MAEL: variants seen among roughly 807,000 people sequenced by gnomAD.
The protein encoded by MAEL is protein maelstrom homolog.
MAEL carries 46 observed loss-of-function variants against 62.0 expected under a neutral mutation model. The observed-to-expected ratio is 0.74, with a 90% confidence interval of 0.59 to 0.95. The LOEUF is 0.95. MAEL is among the 40% of genes least tolerant of loss of function. The pLI, the probability that MAEL is intolerant of heterozygous loss-of-function variation, is 0.00. For missense variants in MAEL, 497 were observed against 526.8 expected, an observed-to-expected ratio of 0.94 and a Z score of 0.55; for synonymous variants, 172 against 175.5, an observed-to-expected ratio of 0.98 and a Z score of 0.16.
chr1:166,987,826 C>T (rs754090951), upstream of MAEL, among the ~76,000 whole-genome samples: 2 of 152,114 alleles, frequency 1.3e-5, no homozygotes, highest in African/African-American at 4.8e-5. Flanking sequence ...GCTCTACCAA[C>T]CTGTCAAGGA....
At chr1:166,999,802 G>T (rs1240945680) in intron 5 of MAEL, among the ~76,000 whole-genome samples, 1 of 152,084 alleles carries the variant, frequency 6.6e-6, no homozygotes, top group African/African-American at 2.4e-5. Flanking sequence ...TTGAAGCCAG[G>T]GCTCATTTAC....
chr1:167,011,041 C>G (rs1436929648), intron 8 of MAEL, among the ~76,000 whole-genome samples: 1 of 152,028 alleles, frequency 6.6e-6, no homozygotes, highest in African/African-American at 2.4e-5. Flanking sequence ...GCCCTTCCCC[C>G]TTCCTCTTTC....
chr1:166,996,164 A>G (rs545399042), intron 5 of MAEL, among the ~76,000 whole-genome samples: 53 of 152,370 alleles, frequency 3.5e-4, no homozygotes, highest in African/African-American at 1.1e-3. Flanking sequence ...AAAAATGCCT[A>G]TGCTAATGTA....
chr1:166,984,130 G>A (rs1461649294), upstream of MAEL, among the ~76,000 whole-genome samples: 2 of 152,044 alleles, frequency 1.3e-5, no homozygotes, highest in East Asian at 3.9e-4. Flanking sequence ...CCCTATCTTA[G>A]TAAAAGCACT....
chr1:166,994,441 C>T (rs72689326), intron 5 of MAEL, among the ~76,000 whole-genome samples: 1,814 of 152,082 alleles, frequency 0.012, 22 homozygotes, highest in Admixed American at 0.018. Flanking sequence ...AAAAATAAAA[C>T]GAGTTCTGAA....
upstream of MAEL, chr1:166,989,246 T>A (rs1664040654): frequency 7.1e-7 from 1 of 1,414,280 alleles, no homozygotes. Context: ...TGGCCGAGAG[T>A]TGCGGGCTGC....
upstream of MAEL, among the ~76,000 whole-genome samples, chr1:166,987,726 G>C (rs752884902): frequency 1.2e-4 from 18 of 152,084 alleles, no homozygotes; most frequent in Non-Finnish European, 2.2e-4. Context: ...AAACTGAGAA[G>C]ACTAATAACC....
At position 167,016,302 on chromosome 1, in the gene MAEL, G is replaced by A; in HGVS notation, c.908+18G>A. 1 of 1,609,380 alleles carries A rather than the reference G, an allele frequency of 6.2e-7. No individual in the cohort carries two copies. The highest frequency in any genetic ancestry group is 8.5e-7 in the Non-Finnish European group (1 of 1,176,008). ...AAGATTGCGTAAGTTGGGGAAAGGA[G>A]TTTCTTCATAATACTGTATTCTGAT... On this transcript the variant is annotated intron_variant, in intron 9 of 11. Coordinates refer to ENST00000367872, the MANE Select transcript of MAEL (RefSeq NM_032858.3).
At chr1:166,997,430 G>A (rs1370552418) in intron 5 of MAEL, among the ~76,000 whole-genome samples, 1 of 152,132 alleles carries the variant, frequency 6.6e-6, no homozygotes, top group Non-Finnish European at 1.5e-5. Context: ...TATCTTATCT[G>A]CTGATGGATT....
At chr1:166,975,867 G>GC (rs988425449) in intron 1 of MAEL, among the ~76,000 whole-genome samples, 2 of 152,102 alleles carry the variant, frequency 1.3e-5, no homozygotes, top group African/African-American at 4.8e-5. Context: ...TCTGCGGGCA[G>GC]CCACAGCCAA....
intron 5 of MAEL, among the ~76,000 whole-genome samples, chr1:167,001,872 A>C (rs762225319): frequency 2.2e-4 from 34 of 152,164 alleles, no homozygotes; most frequent in Non-Finnish European, 4.3e-4. Context: ...GCCTCTGCCT[A>C]CCAGGCTCAA....
At chr1:166,992,092 A>C (rs1664199425) in intron 3 of MAEL, among the ~76,000 whole-genome samples, 1 of 152,194 alleles carries the variant, frequency 6.6e-6, no homozygotes, top group Non-Finnish European at 1.5e-5. Context: ...CATAGTTAAT[A>C]AGGGTTGTTG....
chr1:167,020,909 C>T (rs530154038), intron 10 of MAEL, among the ~76,000 whole-genome samples, 176 bp from the exon 11 acceptor site: 1 of 152,136 alleles, frequency 6.6e-6, no homozygotes. Context: ...TTCGTAATCT[C>T]CCTCCAAAGT....
intron 10 of MAEL, among the ~76,000 whole-genome samples, chr1:167,019,140 G>A (rs946993503): frequency 6.6e-6 from 1 of 152,046 alleles, no homozygotes; most frequent in Non-Finnish European, 1.5e-5. Context: ...CAAAGCCTGG[G>A]GACATTTTTG....
intron 1 of MAEL, among the ~76,000 whole-genome samples, chr1:166,984,016 A>T (rs1663841737): frequency 1.3e-5 from 2 of 151,756 alleles, no homozygotes; most frequent in Admixed American, 6.6e-5. Context: ...AAAAAAAAAA[A>T]AAATGGACCT....
chr1:166,987,014 T>TA (rs1663940988), upstream of MAEL, among the ~76,000 whole-genome samples: 4 of 151,822 alleles, frequency 2.6e-5, no homozygotes, highest in East Asian at 7.7e-4. Context: ...CATTTGTTTT[T>TA]ATGCCAATGT....
intron 5 of MAEL, among the ~76,000 whole-genome samples, chr1:166,996,026 A>C (rs561973798): frequency 6.6e-6 from 1 of 152,220 alleles, no homozygotes; most frequent in Non-Finnish European, 1.5e-5. Context: ...TCATTCCAGG[A>C]AACTTAAAAT....
intron 5 of MAEL, among the ~76,000 whole-genome samples, chr1:167,002,958 T>C (rs1031975314): frequency 2.0e-5 from 3 of 152,170 alleles, no homozygotes; most frequent in Non-Finnish European, 2.9e-5. Context: ...CTAAGATTTC[T>C]TCCTTTCCAA....
intron 5 of MAEL, among the ~76,000 whole-genome samples, chr1:166,996,086 C>T (rs916233840): frequency 6.6e-6 from 1 of 152,134 alleles, no homozygotes; most frequent in Non-Finnish European, 1.5e-5. Flanking sequence ...ATTTGATAAT[C>T]CCGGGAAATG....
Sources: allele counts gnomAD v4.1 joint callset (sites outside exome capture counted in the v4.1 genomes callset), GRCh38; gene constraint gnomAD v4.1.1; transcripts MANE v1.5; gene names NCBI Gene and HGNC (gene_info 2026-07-23, HGNC 2026-07-21).